The following MAPK10 variants were observed in gnomAD, a reference collection of about 807,000 sequenced individuals.
The protein encoded by MAPK10 is JNK3 alpha protein kinase.
Under a neutral mutation model 59.3 loss-of-function variants are expected in MAPK10, and 25 were observed. The ratio of observed to expected loss-of-function variants is 0.42; its 90% CI spans 0.31 to 0.59. The LOEUF (loss-of-function observed/expected upper bound fraction) is 0.59. Among genes scored for constraint, MAPK10 ranks in the 20% least tolerant of loss-of-function variants. The pLI is 0.15. For synonymous variants in MAPK10, 190 were observed against 200.5 expected (o/e 0.95, Z 0.44); for missense variants, 351 against 568.9 (o/e 0.62, Z 3.90).
intron 1 of MAPK10, among the ~76,000 whole-genome samples, chr4:86,403,859 G>A (rs138982088): frequency 2.6e-5 from 4 of 152,206 alleles, no homozygotes; most frequent in East Asian, 3.9e-4. Context: ...CATTACAACC[G>A]GAGATAAGAT....
upstream of MAPK10, among the ~76,000 whole-genome samples, chr4:86,457,231 G>C (rs537690770): frequency 6.6e-6 from 1 of 152,266 alleles, no homozygotes; most frequent in Non-Finnish European, 1.5e-5. Context: ...AAAGCATTCT[G>C]TCTGAGAACT....
intron 1 of MAPK10, among the ~76,000 whole-genome samples, chr4:86,573,272 T>C (rs1761607767): frequency 6.6e-6 from 1 of 152,222 alleles, no homozygotes. Context: ...TTTTGATCTA[T>C]GTACAATTTC....
intron 4 of MAPK10, 192 bp downstream of exon 4, chr4:86,159,106 T>C (rs1045547434): frequency 8.2e-5 from 34 of 416,048 alleles, no homozygotes; most frequent in Admixed American, 4.3e-4. Context: ...AGCCAAGTTG[T>C]ATATATTGTT....
chr4:86,325,739 TATTTCCTTAAACA>T (rs1475370731), intron 2 of MAPK10, among the ~76,000 whole-genome samples: 4 of 152,226 alleles, frequency 2.6e-5, no homozygotes, highest in African/African-American at 9.6e-5. Context: ...TCACCATAAT[TATTTCCTTAAACA>T]ATGCTAAAAT....
chr4:86,089,117 C>A lies in MAPK10; in HGVS notation c.802+9407G>T, dbSNP rs2052555894. ...ATAGAAACTCTCTAAGGACAGTGAA[C>A]AAATACCATAAGCAGTACTGCATTT... On this transcript the variant is annotated intron_variant, in intron 9 of 13. Transcript: ENST00000641462. 6 of 985,384 alleles carry A rather than the reference C, an allele frequency of 6.1e-6. No homozygotes were observed. The South Asian group carries it at 9.9e-5, about 16-fold the overall frequency. The allele number at this position is 985,384 out of a possible 1,614,324, so 61.0% of individuals were successfully genotyped here.
At chr4:86,291,913 A>T (rs1465461020) in intron 2 of MAPK10, among the ~76,000 whole-genome samples, 1 of 152,188 alleles carries the variant, frequency 6.6e-6, no homozygotes, top group Non-Finnish European at 1.5e-5. Context: ...AAATTTTTGT[A>T]CTTAAAGTGG....
chr4:86,077,615 A>G (rs1011194656), intron 9 of MAPK10, among the ~76,000 whole-genome samples: 85 of 152,242 alleles, frequency 5.6e-4, no homozygotes, highest in Non-Finnish European at 1.9e-4. Flanking sequence ...GTTACTATGA[A>G]TGTGATTTCC....
In MAPK10 at chr4:86,201,544, T is replaced by C. The variant is rs78054970; in HGVS notation, c.-6-7137A>G. ...TGGACTGTGGATGGAGAGAAGGCTT[T>C]ATCTTTATATTACAAATTATAGAAA... is the stretch of plus-strand genomic sequence containing the variant. On this transcript the variant is annotated intron_variant, in intron 2 of 13. Transcript: ENST00000641462. Among the ~76,000 whole-genome samples, 270 of 152,018 alleles carry C rather than the reference T, an allele frequency of 1.8e-3. 1 individual carries two copies. The East Asian group carries it at 0.028, about 16-fold the overall frequency.
At chr4:86,071,011 G>C (rs1271252475) in intron 9 of MAPK10, among the ~76,000 whole-genome samples, 1 of 151,950 alleles carries the variant, frequency 6.6e-6, no homozygotes, top group Admixed American at 6.5e-5. Context: ...CCCACCAACA[G>C]TGTAAAAGTG....
intron 4 of MAPK10, chr4:86,107,590 G>C: frequency 8.8e-7 from 1 of 1,140,158 alleles, no homozygotes; most frequent in Non-Finnish European, 1.1e-6. Flanking sequence ...CAGGAGAAGG[G>C]GGGAAGGAGT....
chr4:86,527,827 A>G (rs1757585391), intron 1 of MAPK10, among the ~76,000 whole-genome samples: 1 of 152,244 alleles, frequency 6.6e-6, no homozygotes, highest in Non-Finnish European at 1.5e-5. Flanking sequence ...AGCATAAAAA[A>G]GAATGAAATC....
chr4:86,179,975 A>AAC (rs1562768785), intron 3 of MAPK10, among the ~76,000 whole-genome samples: 1 of 151,294 alleles, frequency 6.6e-6, no homozygotes, highest in African/African-American at 2.4e-5. Flanking sequence ...CAACAAAACA[A>AAC]AAAAAAATGG....
At chr4:86,076,909 C>T (rs2049612752) in intron 9 of MAPK10, among the ~76,000 whole-genome samples, 1 of 152,134 alleles carries the variant, frequency 6.6e-6, no homozygotes, top group Admixed American at 6.5e-5. Context: ...TAAGGATTTA[C>T]AGATCTTAGC....
intron 11 of MAPK10, among the ~76,000 whole-genome samples, chr4:86,040,133 CA>C (rs1206887187): frequency 6.6e-6 from 1 of 151,802 alleles, no homozygotes; most frequent in East Asian, 1.9e-4. Context: ...CATAAACCAC[CA>C]AAAAAATACA....
intron 1 of MAPK10, among the ~76,000 whole-genome samples, chr4:86,462,622 A>G (rs1751846517): frequency 6.6e-6 from 1 of 152,168 alleles, no homozygotes; most frequent in Admixed American, 6.5e-5. Context: ...GAGTTGGTAA[A>G]GCCCTTGAAG....
chr4:86,224,964 T>TA (rs2090355249), intron 2 of MAPK10, among the ~76,000 whole-genome samples: 1 of 152,232 alleles, frequency 6.6e-6, no homozygotes, highest in Non-Finnish European at 1.5e-5. Flanking sequence ...AGCAGATGTT[T>TA]AGTTGGCCCA....
intron 2 of MAPK10, among the ~76,000 whole-genome samples, chr4:86,228,067 G>A (rs774993027): frequency 6.6e-6 from 1 of 152,172 alleles, no homozygotes; most frequent in East Asian, 1.9e-4. Flanking sequence ...GAATGAGAAA[G>A]GCAGGGTAGG....
chr4:86,032,918 T>C (rs189664722), intron 11 of MAPK10, among the ~76,000 whole-genome samples: 8 of 152,326 alleles, frequency 5.3e-5, no homozygotes, highest in Non-Finnish European at 1.5e-5. Flanking sequence ...CCTACTGCAA[T>C]TCAGATGTGG....
intron 1 of MAPK10, among the ~76,000 whole-genome samples, chr4:86,515,069 A>C (rs1756553519): frequency 6.6e-6 from 1 of 152,076 alleles, no homozygotes; most frequent in Admixed American, 6.6e-5. Context: ...CTCATAGCTT[A>C]TTTCTCACTT....
Sources: allele counts gnomAD v4.1 joint callset (sites outside exome capture counted in the v4.1 genomes callset), GRCh38; gene constraint gnomAD v4.1.1; transcripts MANE v1.5; gene names NCBI Gene and HGNC (gene_info 2026-07-23, HGNC 2026-07-21).